RPS8: variants seen among roughly 807,000 people sequenced by gnomAD.
RPS8 encodes small ribosomal subunit protein eS8.
For missense variants in RPS8, 141 were observed against 269.7 expected, an observed-to-expected ratio of 0.52 and a Z score of 3.34; for synonymous variants, 100 against 100.7, an observed-to-expected ratio of 0.99 and a Z score of 0.04.
Position 44,776,017 on chromosome 1 carries a change from C to T in RPS8, c.5-17C>T. On this transcript the variant is annotated splice_polypyrimidine_tract_variant and intron_variant, in intron 1 of 5. Transcript: ENST00000396651. ...AGTCACAGTGGCTCAAGCTTCCTTC[C>T]CCGCTTCCACATGCAGGCATCTCTC... 2 of 1,612,346 alleles carry T rather than the reference C, an allele frequency of 1.2e-6. No homozygotes were observed. Among genetic ancestry groups the T allele is most frequent in the Non-Finnish European group, 1.7e-6 (2 of 1,178,752 alleles).
Position 44,775,765 on chromosome 1 carries a change from G to A in RPS8, c.4+165G>A, listed in dbSNP as rs1041978583. On this transcript the variant is annotated intron_variant, in intron 1 of 5. Coordinates refer to ENST00000396651, the MANE Select transcript of RPS8 (RefSeq NM_001012.2). ...TCGGCCGCCCAGCCCGTCTCTGGGG[G>A]CTGCGAAGGCTCTGGGCTCCGGGTT... 5.1e-6 allele frequency: 5 copies of A among 985,962 alleles called. No individual in the cohort carries two copies. The South Asian group carries it at 5.2e-5, about 10-fold the overall frequency. The allele number at this position is 985,962 out of a possible 1,614,324, so 61.1% of individuals were successfully genotyped here.
rs762661654 is a variant in RPS8, at chr1:44,775,823, C to T, written c.5-211C>T. 1.2e-5 allele frequency: 9 copies of T among 778,752 alleles called. No individual in the cohort carries two copies. In the African/African-American group the frequency reaches 1.6e-4, roughly 14 times the overall value. The allele number at this position is 778,752 out of a possible 1,614,324, so 48.2% of individuals were successfully genotyped here. A position where few individuals can be genotyped will look rare whatever the true frequency, so the allele number is the denominator to read the frequency against. On this transcript the variant is annotated intron_variant, in intron 1 of 5. Transcript: ENST00000396651. ...GCGGGCTGCGGGCTCCGAGCGGCGC[C>T]AACATGGCTGCCGCGAGGAGGAGGC...
chr1:44,777,222 C>T (rs1650889003), intron 3 of RPS8: 3 of 214,300 alleles, frequency 1.4e-5, no homozygotes, highest in South Asian at 1.5e-4. Flanking sequence ...CAGGCGTGTG[C>T]CATCACACCC....
chr1:44,776,824 T>C, intron 3 of RPS8, 50 bp downstream of exon 3: 1 of 1,414,144 alleles, frequency 7.1e-7, no homozygotes, highest in African/African-American at 1.4e-5. Context: ...TAAACGGTCT[T>C]AAGATTCACC....
At chr1:44,778,224 G>A in intron 5 of RPS8, 95 bp downstream of exon 5, 2 of 1,470,312 alleles carry the variant, frequency 1.4e-6, no homozygotes, top group African/African-American at 1.4e-5. Context: ...TGCCAGCCAT[G>A]CAGTCTAAAG....
chr1:44,778,112 A>G lies in RPS8; in HGVS notation c.500A>G (p.Gln167Arg). Residue 167 changes from glutamine to arginine, a missense_variant, in exon 5 of 6, where the codon CAG (glutamine) becomes CGG (arginine). By Grantham distance (43) the Gln-to-Arg change is conservative (BLOSUM62 1). Coordinates refer to ENST00000396651, the MANE Select transcript of RPS8 (RefSeq NM_001012.2). ...KISSLLEEQF[Q>R]QGKLLACIAS... ...AGCAGTCTCCTGGAGGAGCAGTTCC[A>G]GCAGGGCAAGCTTCTTGGTGAGAAG... The G allele has an allele frequency of 6.3e-7, 1 of 1,596,564 alleles. No homozygotes were observed.
intron 3 of RPS8, 153 bp downstream of exon 3, chr1:44,776,927 G>A (rs1650876462): frequency 3.5e-6 from 2 of 566,942 alleles, no homozygotes; most frequent in Non-Finnish European, 6.2e-6. Context: ...TTCGAGTCCA[G>A]CCTGGGCAAC....
At chr1:44,777,466 TG>T in intron 3 of RPS8, 147 bp from the exon 4 acceptor site, 4 of 667,288 alleles carry the variant, frequency 6.0e-6, no homozygotes, top group Non-Finnish European at 1.1e-5. Context: ...TAGGGGGTTG[TG>T]GAAGACGAAC....
chr1:44,776,589 T>C (rs1159637805), intron 2 of RPS8, 86 bp from the exon 3 acceptor site: 16 of 1,097,332 alleles, frequency 1.5e-5, no homozygotes, highest in South Asian at 5.0e-5. Flanking sequence ...TTACACTGAC[T>C]GTTGCCTCCT....
chr1:44,776,442 C>T, intron 2 of RPS8: 1 of 751,628 alleles, frequency 1.3e-6, no homozygotes, highest in Admixed American at 1.8e-5. Context: ...GTTTTTTTTA[C>T]AGAGGCTTAA....
chr1:44,776,902 ACC>A, intron 3 of RPS8, 128 bp downstream of exon 3: 1 of 615,264 alleles, frequency 1.6e-6, no homozygotes, highest in South Asian at 2.2e-5. Context: ...CGGGCGGATC[ACC>A]TGAGGTCAGG....
chr1:44,777,459 G>T (rs1034559328), intron 3 of RPS8, 155 bp from the exon 4 acceptor site: 1 of 646,344 alleles, frequency 1.5e-6, no homozygotes, highest in Non-Finnish European at 2.8e-6. Context: ...CGTGGGTTAG[G>T]GGGTTGTGGA....
At chr1:44,775,835 C>A (rs759235273) in intron 1 of RPS8, 199 bp from the exon 2 acceptor site, 1 of 783,338 alleles carries the variant, frequency 1.3e-6, no homozygotes, top group Non-Finnish European at 2.2e-6. Context: ...ACATGGCTGC[C>A]GCGAGGAGGA....
intron 1 of RPS8, 172 bp downstream of exon 1, chr1:44,775,772 AGGCTCTG>A: frequency 1.0e-6 from 1 of 955,120 alleles, no homozygotes; most frequent in Non-Finnish European, 1.7e-6. Flanking sequence ...GGGGCTGCGA[AGGCTCTG>A]GGCTCCGGGT....
At chr1:44,776,009 C>G (rs955612320) in intron 1 of RPS8, 25 bp from the exon 2 acceptor site, 2 of 1,609,196 alleles carry the variant, frequency 1.2e-6, no homozygotes, top group Non-Finnish European at 8.5e-7. Flanking sequence ...GTGGCTCAAG[C>G]TTCCTTCCCC....
At chr1:44,777,474 G>A (rs1650898160) in intron 3 of RPS8, 140 bp from the exon 4 acceptor site, 2 of 697,902 alleles carry the variant, frequency 2.9e-6, no homozygotes, top group Non-Finnish European at 5.0e-6. Flanking sequence ...TGTGGAAGAC[G>A]AACTGATGCC....
In RPS8 at chr1:44,776,773, G is replaced by A. The variant is rs1650869425; in HGVS notation, c.210G>A (p.Glu70=). The A allele has an allele frequency of 1.2e-6, 2 of 1,601,112 alleles. No individual in the cohort carries two copies. The highest frequency in any genetic ancestry group is 1.7e-6 in the Non-Finnish European group (2 of 1,173,036). ...TGGGGAATTTCTCCTGGGGCTCAGA[G>A]TGTGAGTGAGGCCCTTTGGGAGTGG... is the stretch of plus-strand genomic sequence containing the variant. ...LDVGNFSWGS[E]CCTRKTRIID... Residue 70 remains glutamate (E), a splice_region_variant and synonymous_variant, in exon 3 of 6, where the codon GAG becomes GAA. Transcript: ENST00000396651.
chr1:44,775,561 A>G lies in RPS8; in HGVS notation c.-36A>G, dbSNP rs765003520. 5 of 1,613,896 alleles carry G rather than the reference A, an allele frequency of 3.1e-6. No homozygotes were observed. The highest frequency in any genetic ancestry group is 3.4e-6 in the Non-Finnish European group (4 of 1,179,882). On this transcript the variant is annotated 5_prime_UTR_variant, in exon 1 of 6. Coordinates refer to ENST00000396651, the MANE Select transcript of RPS8 (RefSeq NM_001012.2). ...CAGCGTTTTACAAACCGAACCGTGA[A>G]TCTTTGCGGTTTCTCTTTCCAGCCA... is the stretch of plus-strand genomic sequence containing the variant.
chr1:44,776,238 GGGC>G (rs1233792211), intron 2 of RPS8, 98 bp downstream of exon 2: 1 of 870,030 alleles, frequency 1.1e-6, no homozygotes, highest in Non-Finnish European at 1.8e-6. Context: ...GTTCTTTCTT[GGGC>G]TCTGATTTCT....
Sources: gnomAD v4.1 joint callset for allele counts on GRCh38, gnomAD v4.1.1 for gene constraint, MANE v1.5 for transcripts, NCBI Gene and HGNC (gene_info 2026-07-23, HGNC 2026-07-21) for gene names.